Variants in GLRA3 observed in about 807,000 individuals in gnomAD.
GLRA3 encodes the protein glycine receptor subunit alpha-3.
GLRA3 carries 44 observed loss-of-function variants against 60.4 expected under a neutral mutation model. The observed-to-expected ratio is 0.73, with a 90% CI of 0.57 to 0.94. The LOEUF (loss-of-function observed/expected upper bound fraction) is 0.94. Ranked by LOEUF, GLRA3 falls within the 40% of genes least tolerant of loss-of-function variation. The pLI, the probability that GLRA3 is intolerant of heterozygous loss-of-function variation, is 0.00. For missense variants in GLRA3, 508 were observed against 564.6 expected, an observed-to-expected ratio of 0.90 and a Z score of 1.02; for synonymous variants, 223 against 192.9, an observed-to-expected ratio of 1.16 and a Z score of -1.29.
chr4:174,767,143 C>T, intron 2 of GLRA3, 113 bp from the exon 3 acceptor site: 2 of 585,980 alleles, frequency 3.4e-6, no homozygotes, highest in Non-Finnish European at 6.2e-6. Context: ...CACACACACA[C>T]ACACACACAC....
chr4:174,720,080 T>A (rs1736076237), intron 4 of GLRA3, among the ~76,000 whole-genome samples: 1 of 152,182 alleles, frequency 6.6e-6, no homozygotes, highest in Admixed American at 6.5e-5. Context: ...ATCTTTAACA[T>A]AAAATTTCTT....
intron 3 of GLRA3, among the ~76,000 whole-genome samples, chr4:174,741,602 T>G (rs1417132534): frequency 1.3e-5 from 2 of 152,044 alleles, no homozygotes; most frequent in South Asian, 2.1e-4. Context: ...GATCCCTTTA[T>G]CCATTATTTA....
chr4:174,753,746 G>A (rs180709155), intron 3 of GLRA3, among the ~76,000 whole-genome samples: 4 of 152,228 alleles, frequency 2.6e-5, no homozygotes, highest in African/African-American at 4.8e-5. Flanking sequence ...AAATTAAGAG[G>A]AGGCAGAAAA....
At chr4:174,679,257 C>G (rs567475422) in intron 6 of GLRA3, among the ~76,000 whole-genome samples, 1 of 151,746 alleles carries the variant, frequency 6.6e-6, no homozygotes, top group Non-Finnish European at 1.5e-5. Context: ...TGTGAACCTG[C>G]TTGCAGTAAG....
At position 174,698,079 on chromosome 4, in the gene GLRA3, C is replaced by A. The variant is rs1203761876; in HGVS notation, c.575-15140G>T. On this transcript the variant is annotated intron_variant, in intron 5 of 9. Transcript: ENST00000274093. ...TCACTAAATAGGCCCCAAATCATAA[C>A]CGACACTGTGAGCCAAACCACTTTA... is the stretch of plus-strand genomic sequence containing the variant. Among the ~76,000 whole-genome samples, 5 of 152,164 alleles carry A rather than the reference C, an allele frequency of 3.3e-5. No homozygotes were observed. The East Asian group carries it at 5.8e-4, about 18-fold the overall frequency.
intron 1 of GLRA3, among the ~76,000 whole-genome samples, chr4:174,790,252 T>G (rs1739272876): frequency 6.6e-6 from 1 of 152,168 alleles, no homozygotes. Context: ...TGGAAGCGTT[T>G]TTTCTCCCTA....
chr4:174,700,254 AATATTTTACAAATTGAAG>A (rs1735254870), intron 5 of GLRA3, among the ~76,000 whole-genome samples: 1 of 152,164 alleles, frequency 6.6e-6, no homozygotes, highest in East Asian at 1.9e-4. Context: ...GTAGATATTG[AATATTTTACAAATTGAAG>A]ATTTGTGGCA....
At chr4:174,786,038 G>C (rs945905434) in intron 2 of GLRA3, among the ~76,000 whole-genome samples, 1 of 149,886 alleles carries the variant, frequency 6.7e-6, no homozygotes, top group African/African-American at 2.5e-5. Context: ...CAAAGTGCTG[G>C]GATTAGAGGC....
chr4:174,735,274 A>T (rs922500092), intron 3 of GLRA3, among the ~76,000 whole-genome samples: 1 of 152,168 alleles, frequency 6.6e-6, no homozygotes, highest in Non-Finnish European at 1.5e-5. Context: ...AAGTTTCTAC[A>T]TCATTTTTCT....
intron 2 of GLRA3, among the ~76,000 whole-genome samples, chr4:174,775,384 G>A (rs914190750): frequency 1.3e-5 from 2 of 152,054 alleles, no homozygotes; most frequent in Admixed American, 1.3e-4. Context: ...TAGAGTACTA[G>A]AAAGAGTCAA....
intron 3 of GLRA3, among the ~76,000 whole-genome samples, chr4:174,729,110 C>T (rs1254442854): frequency 6.6e-6 from 1 of 152,174 alleles, no homozygotes; most frequent in Non-Finnish European, 1.5e-5. Flanking sequence ...ACCTATATGC[C>T]TCCAAAGAAA....
intron 1 of GLRA3, among the ~76,000 whole-genome samples, chr4:174,819,603 T>C (rs993314672): frequency 6.6e-6 from 1 of 152,238 alleles, no homozygotes; most frequent in Non-Finnish European, 1.5e-5. Context: ...TTTTTCTCAA[T>C]ATTTATCATT....
At chr4:174,828,615 T>G (rs1017182530) in intron 1 of GLRA3, 126 bp downstream of exon 1, 5 of 660,496 alleles carry the variant, frequency 7.6e-6, no homozygotes, top group Non-Finnish European at 1.4e-5. Context: ...AACAATACGA[T>G]TAAATTGATT....
At chr4:174,681,082 C>G (rs954118157) in intron 6 of GLRA3, among the ~76,000 whole-genome samples, 2 of 152,176 alleles carry the variant, frequency 1.3e-5, no homozygotes, top group African/African-American at 4.8e-5. Context: ...TGCTTCTGGA[C>G]AGTACAGTGC....
chr4:174,730,785 T>C (rs1736519200), intron 3 of GLRA3, among the ~76,000 whole-genome samples: 1 of 152,182 alleles, frequency 6.6e-6, no homozygotes, highest in Admixed American at 6.5e-5. Context: ...TGTTATCATA[T>C]ACCCATTGTA....
At chr4:174,745,055 G>A (rs1041531701) in intron 3 of GLRA3, among the ~76,000 whole-genome samples, 8 of 152,030 alleles carry the variant, frequency 5.3e-5, no homozygotes, top group Non-Finnish European at 1.2e-4. Flanking sequence ...TCTAACAGAA[G>A]AAAGAACCAC....
intron 5 of GLRA3, among the ~76,000 whole-genome samples, chr4:174,691,132 C>T (rs1290919698): frequency 6.6e-6 from 1 of 152,200 alleles, no homozygotes; most frequent in Non-Finnish European, 1.5e-5. Flanking sequence ...TACACTCTCA[C>T]TAACAGTGAA....
chr4:174,742,197 A>G (rs1293754061), intron 3 of GLRA3, among the ~76,000 whole-genome samples: 1 of 152,206 alleles, frequency 6.6e-6, no homozygotes, highest in Non-Finnish European at 1.5e-5. Flanking sequence ...CTGTAGTTCA[A>G]TATTTAACAT....
chr4:174,691,132 C>G (rs1290919698), intron 5 of GLRA3, among the ~76,000 whole-genome samples: 1 of 152,200 alleles, frequency 6.6e-6, no homozygotes, highest in African/African-American at 2.4e-5. Flanking sequence ...TACACTCTCA[C>G]TAACAGTGAA....
Sources: allele counts gnomAD v4.1 joint callset (sites outside exome capture counted in the v4.1 genomes callset), GRCh38; gene constraint gnomAD v4.1.1; transcripts MANE v1.5; gene names NCBI Gene and HGNC (gene_info 2026-07-23, HGNC 2026-07-21).